Variants in IL16 observed in about 807,000 individuals in gnomAD.
The protein encoded by IL16 is interleukin 16.
In IL16, 67 loss-of-function variants were observed where a neutral mutation model predicts 110.1. The observed-to-expected ratio is 0.61, with a 90% CI of 0.50 to 0.75. The LOEUF (loss-of-function observed/expected upper bound fraction) is 0.75, where lower values mean the gene tolerates loss of function less well. IL16 is among the 30% of genes least tolerant of loss of function. The pLI, the probability that IL16 is intolerant of heterozygous loss-of-function variation, is 0.00. For missense variants in IL16, 1,545 were observed against 1,655.0 expected (o/e 0.93, Z 1.15); for synonymous variants, 689 against 662.9 (o/e 1.04, Z -0.61).
intron 3 of IL16, among the ~76,000 whole-genome samples, chr15:81,261,975 A>G (rs1479249439): frequency 6.6e-6 from 1 of 152,126 alleles, no homozygotes; most frequent in Non-Finnish European, 1.5e-5. Context: ...AGCTGGTAGG[A>G]GGATCCCTTG....
intron 2 of IL16, among the ~76,000 whole-genome samples, chr15:81,252,843 A>G (rs775548865): frequency 9.9e-5 from 15 of 152,186 alleles, no homozygotes; most frequent in African/African-American, 1.4e-4. Flanking sequence ...CTTCTATTAT[A>G]TGGATATATT....
chr15:81,294,005 G>T lies in IL16; in HGVS notation c.1902+968G>T, dbSNP rs139687948. ...AGTTTCCCATCCTTACCCAGAAGCTGTCTCCCCCATCACGGAATGGCCCTG... is the reference window on the plus strand; with the variant it reads ...AGTTTCCCATCCTTACCCAGAAGCTTTCTCCCCCATCACGGAATGGCCCTG... On this transcript the variant is annotated intron_variant, in intron 12 of 18. Transcript: ENST00000683961. Among the ~76,000 whole-genome samples the T allele has an allele frequency of 3.8e-3, 576 of 152,294 alleles. 1 individual carries two copies. The highest frequency in any genetic ancestry group is 9.9e-3 in the African/African-American group (411 of 41,582).
At chr15:81,256,007 T>C (rs968038067) in intron 2 of IL16, among the ~76,000 whole-genome samples, 5 of 152,218 alleles carry the variant, frequency 3.3e-5, no homozygotes, top group African/African-American at 7.2e-5. Context: ...ATGGAAAATA[T>C]AGAAAATACA....
chr15:81,196,915 G>A lies in IL16; in HGVS notation c.-339G>A. ...GAGTCACCTGTCCAGAGCAGGTGGT[G>A]AATATTGTGTCCTACTCACGGCATC... On this transcript the variant is annotated 5_prime_UTR_variant, in exon 1 of 19. Coordinates refer to ENST00000683961, the MANE Select transcript of IL16 (RefSeq NM_172217.5). 1.6e-6 allele frequency: 2 copies of A among 1,220,116 alleles called. No homozygotes were observed. The highest frequency in any genetic ancestry group is 1.4e-5 in the South Asian group (1 of 69,016). The allele number at this position is 1,220,116 out of a possible 1,614,324, so 75.6% of individuals were successfully genotyped here.
chr15:81,225,338 C>T lies in IL16; in HGVS notation c.-62C>T, dbSNP rs779357406. On this transcript the variant is annotated 5_prime_UTR_variant, in exon 2 of 19. Transcript: ENST00000683961. ...GCAGCTAAGCCCTGTCCAGTGGCCA[C>T]CCGTCAGCCAAGGGCCAGAGACCAG... 1.5e-5 allele frequency: 23 copies of T among 1,579,554 alleles called. No homozygotes were observed. Among genetic ancestry groups the T allele is most frequent in the Non-Finnish European group, 1.9e-5 (22 of 1,166,292 alleles).
chr15:81,185,269 C>T (rs1334744393), intron 1 of IL16, among the ~76,000 whole-genome samples: 3 of 152,206 alleles, frequency 2.0e-5, no homozygotes, highest in Non-Finnish European at 2.9e-5. Flanking sequence ...TCCGTCTCCT[C>T]CTAATTTCCT....
At chr15:81,259,160 A>G (rs1898062730) in intron 2 of IL16, among the ~76,000 whole-genome samples, 1 of 152,274 alleles carries the variant, frequency 6.6e-6, no homozygotes, top group African/African-American at 2.4e-5. Flanking sequence ...TAGTAAAATC[A>G]TAATACCCTT....
chr15:81,263,967 G>A (rs1898265503), intron 3 of IL16, among the ~76,000 whole-genome samples: 1 of 152,116 alleles, frequency 6.6e-6, no homozygotes, highest in Non-Finnish European at 1.5e-5. Flanking sequence ...GACAAATGAC[G>A]AGCCACCTGC....
At chr15:81,308,215 C>T (rs1900672184) in intron 18 of IL16, among the ~76,000 whole-genome samples, 1 of 152,172 alleles carries the variant, frequency 6.6e-6, no homozygotes, top group Admixed American at 6.5e-5. Flanking sequence ...ATGTCCTCAC[C>T]ACATGCGGAG....
At chr15:81,190,393 C>T (rs556334348) in intron 1 of IL16, among the ~76,000 whole-genome samples, 102 of 152,298 alleles carry the variant, frequency 6.7e-4, no homozygotes, top group African/African-American at 2.3e-3. Context: ...TACAGATGCT[C>T]AGCACGGCAA....
At chr15:81,267,438 A>G (rs1898430782) in intron 4 of IL16, among the ~76,000 whole-genome samples, 1 of 152,028 alleles carries the variant, frequency 6.6e-6, no homozygotes, top group African/African-American at 2.4e-5. Context: ...TAAGAGATGT[A>G]TAGATAGACA....
intron 1 of IL16, among the ~76,000 whole-genome samples, chr15:81,184,106 C>T (rs75311294): frequency 2.2e-3 from 338 of 152,278 alleles, no homozygotes; most frequent in African/African-American, 7.5e-3. Flanking sequence ...AGCATTCAGG[C>T]GGCCTCCCTT....
intron 2 of IL16, among the ~76,000 whole-genome samples, chr15:81,237,990 C>T (rs562520763): frequency 7.5e-4 from 114 of 152,152 alleles, no homozygotes; most frequent in Middle Eastern, 6.8e-3. Context: ...CTGCAACCTC[C>T]GCCTCCCAGG....
rs373808656 is a variant in IL16, at chr15:81,292,784, G to A, written c.1649G>A (p.Arg550Gln). 7.4e-6 allele frequency: 12 copies of A among 1,613,976 alleles called. No individual in the cohort carries two copies. The highest frequency in any genetic ancestry group is 5.5e-5 in the South Asian group (5 of 91,076). Residue 550 changes from arginine (R) to glutamine (Q), a missense_variant, in exon 12 of 19, where the codon CGG (arginine) becomes CAG (glutamine). Arg to Gln is a conservative substitution (Grantham distance 43). Coordinates refer to ENST00000683961, the MANE Select transcript of IL16 (RefSeq NM_172217.5). Reference protein sequence around the residue: ...STHSPSLPLAREPVVLSIASS... With the variant: ...STHSPSLPLAQEPVVLSIASS... Reference sequence around the variant, plus strand: ...CACAGCCCCAGCTTGCCTCTGGCACGGGAGCCAGTGGTGCTTTCTATAGCA... The same window carrying A: ...CACAGCCCCAGCTTGCCTCTGGCACAGGAGCCAGTGGTGCTTTCTATAGCA...
intron 16 of IL16, among the ~76,000 whole-genome samples, chr15:81,304,968 G>A (rs1313553303): frequency 1.3e-5 from 2 of 152,202 alleles, no homozygotes; most frequent in Non-Finnish European, 2.9e-5. Flanking sequence ...GCAGAGACAT[G>A]AGATATTTTT....
chr15:81,228,784 CAG>C (rs1206621807), intron 2 of IL16, among the ~76,000 whole-genome samples: 2 of 152,060 alleles, frequency 1.3e-5, no homozygotes, highest in Non-Finnish European at 2.9e-5. Context: ...CAATATGGCA[CAG>C]GGGTTAGGTG....
intron 1 of IL16, among the ~76,000 whole-genome samples, chr15:81,220,870 C>T (rs1284339023): frequency 6.6e-6 from 1 of 151,958 alleles, no homozygotes; most frequent in Non-Finnish European, 1.5e-5. Context: ...TCCTGCTTCA[C>T]AGTACATATT....
At chr15:81,191,106 G>C (rs940902469) in intron 1 of IL16, among the ~76,000 whole-genome samples, 3 of 152,182 alleles carry the variant, frequency 2.0e-5, no homozygotes, top group Admixed American at 2.0e-4. Context: ...ACAAATGCTT[G>C]TTGTTGCTGT....
chr15:81,238,827 G>GTT (rs370588345), intron 2 of IL16, among the ~76,000 whole-genome samples: 31,868 of 137,968 alleles, frequency 0.23, 3,931 homozygotes, highest in African/African-American at 0.34. Flanking sequence ...AATTCTTTTA[G>GTT]TTTTTTTTTT....
Sources: gnomAD v4.1 joint callset for allele counts (sites outside exome capture counted in the v4.1 genomes callset) on GRCh38, gnomAD v4.1.1 for gene constraint, MANE v1.5 for transcripts, NCBI Gene and HGNC (gene_info 2026-07-23, HGNC 2026-07-21) for gene names.